Variants in CLYBL observed in about 807,000 individuals in gnomAD.
CLYBL encodes citramalyl-CoA lyase, also known as citramalyl-CoA lyase, mitochondrial.
A neutral mutation model predicts 38.9 loss-of-function variants in CLYBL; 31 were observed. The observed-to-expected ratio is 0.80, with a 90% CI of 0.60 to 1.08. The LOEUF (loss-of-function observed/expected upper bound fraction) is 1.08, where lower values mean the gene tolerates loss of function less well. CLYBL is among the 50% of genes least tolerant of loss of function. The probability of loss-of-function intolerance (pLI) is 0.00; values close to 1 mark genes in which losing one functional copy is unlikely to be tolerated. For synonymous variants in CLYBL, 171 were observed against 158.6 expected, an observed-to-expected ratio of 1.08 and a Z score of -0.59; for missense variants, 434 against 411.6, an observed-to-expected ratio of 1.05 and a Z score of -0.47.
At chr13:99,833,023 TA>T (rs2050846965) in intron 2 of CLYBL, among the ~76,000 whole-genome samples, 1 of 40,476 alleles carries the variant, frequency 2.5e-5, no homozygotes, top group African/African-American at 9.9e-5. Context: ...TATATATATA[TA>T]TATATATTTT....
intron 1 of CLYBL, among the ~76,000 whole-genome samples, chr13:99,650,766 CCTCT>C (rs758959334): frequency 7.2e-5 from 11 of 152,158 alleles, no homozygotes; most frequent in African/African-American, 2.7e-4. Context: ...CTGGGACTCT[CCTCT>C]CTCCTGTCCA....
At chr13:99,873,116 T>G (rs1263429813) in intron 7 of CLYBL, among the ~76,000 whole-genome samples, 2 of 152,128 alleles carry the variant, frequency 1.3e-5, no homozygotes, top group Non-Finnish European at 2.9e-5. Context: ...CTATAGCAAA[T>G]TCTCCTGGTG....
intron 1 of CLYBL, among the ~76,000 whole-genome samples, chr13:99,684,035 A>ATT (rs778902077): frequency 0.017 from 1,438 of 86,356 alleles, 72 homozygotes; most frequent in African/African-American, 0.062. Flanking sequence ...TGCCTGGCTA[A>ATT]TTTTTTTTTT....
intron 2 of CLYBL, among the ~76,000 whole-genome samples, chr13:99,798,110 T>C (rs2050059299): frequency 1.3e-5 from 2 of 152,132 alleles, no homozygotes; most frequent in Admixed American, 1.3e-4. Flanking sequence ...GTTTCTCTGT[T>C]CCCATCTGGC....
At chr13:99,722,770 A>G (rs926592749) in intron 1 of CLYBL, among the ~76,000 whole-genome samples, 5 of 152,228 alleles carry the variant, frequency 3.3e-5, no homozygotes, top group Non-Finnish European at 5.9e-5. Context: ...AAGTCCCAGA[A>G]CAATAGGACT....
chr13:99,872,633 G>A (rs1440226914), intron 7 of CLYBL, among the ~76,000 whole-genome samples: 5 of 152,284 alleles, frequency 3.3e-5, no homozygotes, highest in Non-Finnish European at 5.9e-5. Flanking sequence ...CCATTGAAAC[G>A]AGAGAGCAGA....
In CLYBL at chr13:99,891,298, T is replaced by G. The variant is rs770607622; in HGVS notation, c.928-20T>G. On this transcript the variant is annotated intron_variant, in intron 7 of 8. Coordinates refer to ENST00000339105, the MANE Select transcript of CLYBL (RefSeq NM_206808.5). ...AATTTCGAGTATTCTTTCAGGAAGTTTGTATTCTCTGTTTTCCAGGGGGCC... is the reference window on the plus strand; with the variant it reads ...AATTTCGAGTATTCTTTCAGGAAGTGTGTATTCTCTGTTTTCCAGGGGGCC... The G allele has an allele frequency of 6.4e-7, 1 of 1,559,334 alleles. No homozygotes were observed. Among genetic ancestry groups the G allele is most frequent in the Non-Finnish European group, 8.8e-7 (1 of 1,130,346 alleles).
At chr13:99,749,509 C>T (rs2048916494) in intron 1 of CLYBL, among the ~76,000 whole-genome samples, 1 of 152,146 alleles carries the variant, frequency 6.6e-6, no homozygotes, top group Non-Finnish European at 1.5e-5. Flanking sequence ...CTAGGAGTTG[C>T]CCCCATCCTG....
intron 1 of CLYBL, among the ~76,000 whole-genome samples, chr13:99,682,894 G>T (rs1026343721): frequency 6.6e-6 from 1 of 151,210 alleles, no homozygotes; most frequent in Non-Finnish European, 1.5e-5. Context: ...CTGTCACCAC[G>T]CCCGGCTAAT....
intron 1 of CLYBL, among the ~76,000 whole-genome samples, chr13:99,743,040 TTTTC>T (rs2048783914): frequency 6.6e-6 from 1 of 151,882 alleles, no homozygotes; most frequent in African/African-American, 2.4e-5. Flanking sequence ...GTTTTTTTCT[TTTTC>T]TTTTTCTTTT....
intron 1 of CLYBL, among the ~76,000 whole-genome samples, chr13:99,711,882 A>T (rs1301426771): frequency 1.3e-5 from 2 of 151,076 alleles, no homozygotes; most frequent in Non-Finnish European, 2.9e-5. Flanking sequence ...CGCCCGGCTA[A>T]TTTTTTGTAT....
rs1408594063 is a variant in CLYBL, at chr13:99,891,195, T to G, written c.928-123T>G. 7.1e-6 allele frequency: 5 copies of G among 706,824 alleles called. No individual in the cohort carries two copies. The African/African-American group carries it at 8.9e-5, about 13-fold the overall frequency. The allele number at this position is 706,824 out of a possible 1,614,324, so 43.8% of individuals were successfully genotyped here. Reference sequence around the variant, plus strand: ...AATTTACTTTGGCTTTCTCAAAAGTTGGGCGGGAAAGTCAGTATAATTCAG... The same window carrying G: ...AATTTACTTTGGCTTTCTCAAAAGTGGGGCGGGAAAGTCAGTATAATTCAG... On this transcript the variant is annotated intron_variant, in intron 7 of 8. Coordinates refer to ENST00000339105, the MANE Select transcript of CLYBL (RefSeq NM_206808.5).
chr13:99,771,925 A>G (rs760489083), intron 1 of CLYBL, among the ~76,000 whole-genome samples: 1 of 152,190 alleles, frequency 6.6e-6, no homozygotes, highest in Admixed American at 6.5e-5. Context: ...TATTATTTTT[A>G]TAGATGAAGA....
At chr13:99,681,921 CAT>C (rs1212325012) in intron 1 of CLYBL, among the ~76,000 whole-genome samples, 2 of 152,134 alleles carry the variant, frequency 1.3e-5, no homozygotes. Context: ...AGATTACAGT[CAT>C]GTGTCACTTA....
intron 1 of CLYBL, among the ~76,000 whole-genome samples, chr13:99,626,153 G>A (rs1384293843): frequency 6.6e-6 from 1 of 152,252 alleles, no homozygotes; most frequent in African/African-American, 2.4e-5. Flanking sequence ...TGAGAATACA[G>A]AGGCAGGGGT....
intron 2 of CLYBL, among the ~76,000 whole-genome samples, chr13:99,823,599 A>G (rs2050628281): frequency 6.6e-6 from 1 of 152,252 alleles, no homozygotes; most frequent in South Asian, 2.1e-4. Flanking sequence ...ATATGCATTT[A>G]AGGTTCCTCC....
rs757599495 is a variant in CLYBL, at chr13:99,863,083, C to T, written c.531C>T (p.Leu177=). ...TTGTGGAAACTGCAATGGGTTTGCTCAATTTTAAGGTAAGGAAGCCATAAT... is the reference window on the plus strand; with the variant it reads ...TTGTGGAAACTGCAATGGGTTTGCTTAATTTTAAGGTAAGGAAGCCATAAT... ...IPFVETAMGL[L]NFKAVCEETL... Residue 177 remains leucine, a synonymous_variant, in exon 4 of 9, where the codon CTC becomes CTT. Transcript: ENST00000339105. 4 of 1,587,242 alleles carry T rather than the reference C, an allele frequency of 2.5e-6. No homozygotes were observed. In the South Asian group the frequency reaches 4.5e-5, roughly 18 times the overall value.
intron 1 of CLYBL, among the ~76,000 whole-genome samples, chr13:99,706,745 A>T (rs1353992559): frequency 6.6e-6 from 1 of 152,232 alleles, no homozygotes; most frequent in Admixed American, 6.5e-5. Context: ...GAGCTCCAGA[A>T]GGAGAAGATG....
intron 3 of CLYBL, among the ~76,000 whole-genome samples, chr13:99,859,436 C>T (rs1015734115): frequency 1.3e-5 from 2 of 152,146 alleles, no homozygotes; most frequent in African/African-American, 4.8e-5. Context: ...ATGGCCCTTA[C>T]TGAGATTCAT....
Sources: allele counts gnomAD v4.1 joint callset (sites outside exome capture counted in the v4.1 genomes callset), GRCh38; gene constraint gnomAD v4.1.1; transcripts MANE v1.5; gene names NCBI Gene and HGNC (gene_info 2026-07-23, HGNC 2026-07-21).